The following FSTL4 variants were observed in gnomAD, a reference collection of about 807,000 sequenced individuals.
FSTL4 encodes the protein follistatin like 4.
A neutral mutation model predicts 78.2 loss-of-function variants in FSTL4; 28 were observed. The ratio of observed to expected loss-of-function variants is 0.36; its 90% CI spans 0.27 to 0.49. The LOEUF (loss-of-function observed/expected upper bound fraction) is 0.49, where lower values mean the gene tolerates loss of function less well. Ranked by LOEUF, FSTL4 falls within the 20% of genes least tolerant of loss-of-function variation. FSTL4 has a pLI of 0.98. For synonymous variants in FSTL4, 422 were observed against 440.5 expected (o/e 0.96, Z 0.53); for missense variants, 922 against 1,084.9 (o/e 0.85, Z 2.11).
chr5:133,632,864 A>G, the FSTL4 span, among the ~76,000 whole-genome samples: 3 of 151,628 alleles, frequency 2.0e-5, no homozygotes, highest in African/African-American at 7.3e-5. Flanking sequence ...TTTTTTTTGT[A>G]TTTTTGTAGA....
intron 4 of FSTL4, among the ~76,000 whole-genome samples, chr5:133,396,656 G>A (rs1312197908): frequency 6.6e-6 from 1 of 152,168 alleles, no homozygotes; most frequent in Non-Finnish European, 1.5e-5. Context: ...GCCCCTGGAG[G>A]TGTGGGGCCC....
chr5:133,489,577 T>C (rs528331033), intron 3 of FSTL4, among the ~76,000 whole-genome samples: 2 of 152,322 alleles, frequency 1.3e-5, no homozygotes, highest in Admixed American at 1.3e-4. Flanking sequence ...CAAAATATTC[T>C]TAAGAAGACA....
At chr5:133,389,051 A>G (rs983488375) in intron 4 of FSTL4, among the ~76,000 whole-genome samples, 1 of 152,100 alleles carries the variant, frequency 6.6e-6, no homozygotes, top group South Asian at 2.1e-4. Flanking sequence ...ACTGTGGCTC[A>G]GCCAATTTAC....
chr5:133,568,094 T>G (rs930133806), intron 2 of FSTL4, among the ~76,000 whole-genome samples: 1 of 152,120 alleles, frequency 6.6e-6, no homozygotes, highest in African/African-American at 2.4e-5. Context: ...GAAGAGAGAA[T>G]AGCATAGGAA....
chr5:133,292,005 G>C (rs1753273893), intron 6 of FSTL4, among the ~76,000 whole-genome samples: 1 of 152,176 alleles, frequency 6.6e-6, no homozygotes, highest in Admixed American at 6.5e-5. Flanking sequence ...CAACTGTCCA[G>C]CAGCTTCCCA....
intron 4 of FSTL4, among the ~76,000 whole-genome samples, chr5:133,331,649 G>A (rs1359516849): frequency 6.6e-6 from 1 of 152,284 alleles, no homozygotes; most frequent in African/African-American, 2.4e-5. Flanking sequence ...CCCAAACAGA[G>A]GGTTTTAGAC....
At chr5:133,544,854 C>A (rs246421) in intron 3 of FSTL4, among the ~76,000 whole-genome samples, 10,973 of 152,220 alleles carry the variant, frequency 0.072, 536 homozygotes, top group Non-Finnish European at 0.098. Flanking sequence ...AAGAGCTCAA[C>A]AGAGATTTTA....
chr5:133,495,881 G>T (rs759732487), intron 3 of FSTL4, among the ~76,000 whole-genome samples: 1 of 152,188 alleles, frequency 6.6e-6, no homozygotes, highest in Non-Finnish European at 1.5e-5. Context: ...TAAAGCAGGA[G>T]ACACTAGGCT....
chr5:133,304,737 A>G (rs1439421940), intron 6 of FSTL4, among the ~76,000 whole-genome samples: 1 of 152,186 alleles, frequency 6.6e-6, no homozygotes. Context: ...CTGGGTTTGA[A>G]ACTTCCAAGT....
At chr5:133,503,872 G>A (rs1758557068) in intron 3 of FSTL4, among the ~76,000 whole-genome samples, 1 of 152,224 alleles carries the variant, frequency 6.6e-6, no homozygotes, top group Non-Finnish European at 1.5e-5. Flanking sequence ...ATAAAGGAAA[G>A]AGGTTTAATT....
chr5:133,743,265 G>A, the FSTL4 span, among the ~76,000 whole-genome samples: 12 of 152,152 alleles, frequency 7.9e-5, no homozygotes, highest in Non-Finnish European at 1.5e-4. Flanking sequence ...GTGTATTAAC[G>A]ACAAGAACAG....
upstream of FSTL4, among the ~76,000 whole-genome samples, chr5:133,613,013 A>G (rs1305021448): frequency 1.3e-5 from 2 of 152,172 alleles, no homozygotes; most frequent in East Asian, 3.9e-4. Flanking sequence ...CTCTTTTCTG[A>G]ATCTTCCCTC....
At chr5:133,480,754 G>A (rs1005387956) in intron 3 of FSTL4, among the ~76,000 whole-genome samples, 1 of 152,134 alleles carries the variant, frequency 6.6e-6, no homozygotes, top group South Asian at 2.1e-4. Context: ...TGCTCCGGAT[G>A]CTGCCACCCC....
the FSTL4 span, among the ~76,000 whole-genome samples, chr5:133,802,245 T>C: frequency 6.6e-6 from 1 of 152,142 alleles, no homozygotes; most frequent in African/African-American, 2.4e-5. Flanking sequence ...ATTGACCAAA[T>C]CGATGCATAA....
At chr5:133,750,004 C>G in the FSTL4 span, among the ~76,000 whole-genome samples, 1 of 152,148 alleles carries the variant, frequency 6.6e-6, no homozygotes, top group Admixed American at 6.5e-5. Flanking sequence ...CCTCTTCTCT[C>G]CAGGGGGCTC....
intron 4 of FSTL4, among the ~76,000 whole-genome samples, chr5:133,376,690 A>G (rs1400055547): frequency 6.6e-6 from 1 of 152,096 alleles, no homozygotes; most frequent in Non-Finnish European, 1.5e-5. Flanking sequence ...GGAGTTTGAG[A>G]CCAACCTGAC....
chr5:133,554,025 T>C (rs1410350038), intron 3 of FSTL4, among the ~76,000 whole-genome samples: 1 of 152,214 alleles, frequency 6.6e-6, no homozygotes, highest in African/African-American at 2.4e-5. Context: ...TCACTGTACC[T>C]GTTCAAGCCT....
At chr5:133,408,768 G>T (rs964754425) in intron 3 of FSTL4, among the ~76,000 whole-genome samples, 5 of 152,148 alleles carry the variant, frequency 3.3e-5, no homozygotes, top group Non-Finnish European at 7.3e-5. Flanking sequence ...TAAAAGTGAC[G>T]ATAACAATGG....
chr5:133,495,434 G>A (rs369487181), intron 3 of FSTL4, among the ~76,000 whole-genome samples: 3 of 152,214 alleles, frequency 2.0e-5, no homozygotes, highest in Non-Finnish European at 2.9e-5. Context: ...GTTCATTTGC[G>A]GACATCTCTA....
Sources: gnomAD v4.1 joint callset for allele counts (sites outside exome capture counted in the v4.1 genomes callset) on GRCh38, gnomAD v4.1.1 for gene constraint, MANE v1.5 for transcripts, NCBI Gene and HGNC (gene_info 2026-07-23, HGNC 2026-07-21) for gene names.